CXADR: variants seen among roughly 807,000 people sequenced by gnomAD.
CXADR encodes the protein CXADR cell adhesion molecule.
Under a neutral mutation model 40.3 loss-of-function variants are expected in CXADR, and 20 were observed. The ratio of observed to expected loss-of-function variants is 0.50; its 90% CI spans 0.35 to 0.72. CXADR has a LOEUF of 0.72. Ranked by LOEUF, CXADR falls within the 30% of genes least tolerant of loss-of-function variation. The probability of loss-of-function intolerance (pLI) is 0.01; values close to 1 mark genes in which losing one functional copy is unlikely to be tolerated. For missense variants in CXADR, 332 were observed against 449.1 expected, an observed-to-expected ratio of 0.74 and a Z score of 2.36; for synonymous variants, 150 against 161.3, an observed-to-expected ratio of 0.93 and a Z score of 0.53.
chr21:17,617,955 C>CCTG, the CXADR span, among the ~76,000 whole-genome samples: 1 of 152,184 alleles, frequency 6.6e-6, no homozygotes, highest in Admixed American at 6.5e-5. Context: ...CTTCTCAAAC[C>CCTG]CTGCTGCTGC....
chr21:17,556,877 A>AC (rs1426093650), intron 3 of CXADR, among the ~76,000 whole-genome samples: 1 of 152,182 alleles, frequency 6.6e-6, no homozygotes, highest in Non-Finnish European at 1.5e-5. Flanking sequence ...AGTTGAAGAT[A>AC]CCCCACTGAA....
intron 5 of CXADR, 150 bp downstream of exon 5, chr21:17,560,974 C>T: frequency 7.8e-7 from 1 of 1,289,750 alleles, no homozygotes; most frequent in Non-Finnish European, 1.0e-6. Context: ...TAGAAAAATA[C>T]ATTTTATTAA....
chr21:17,525,698 T>C (rs1363965787), intron 1 of CXADR, among the ~76,000 whole-genome samples: 1 of 152,228 alleles, frequency 6.6e-6, no homozygotes, highest in African/African-American at 2.4e-5. Flanking sequence ...TAGAATGAAC[T>C]TGTAAATCTG....
chr21:17,528,871 A>G (rs1322841578), intron 1 of CXADR, among the ~76,000 whole-genome samples: 1 of 152,040 alleles, frequency 6.6e-6, no homozygotes, highest in African/African-American at 2.4e-5. Context: ...TGGCTACTTT[A>G]AAACCAGAAT....
chr21:17,625,918 G>A, the CXADR span, among the ~76,000 whole-genome samples: 2 of 152,192 alleles, frequency 1.3e-5, no homozygotes, highest in Non-Finnish European at 2.9e-5. Flanking sequence ...GAAACAAAAT[G>A]AGATTCTGAA....
chr21:17,579,789 C>T (rs1447514633), intron 7 of CXADR, among the ~76,000 whole-genome samples: 1 of 151,942 alleles, frequency 6.6e-6, no homozygotes. Flanking sequence ...GTTACACTGG[C>T]CATTTAGGGC....
intron 6 of CXADR, among the ~76,000 whole-genome samples, chr21:17,563,697 T>C (rs1794716453): frequency 6.6e-6 from 1 of 151,804 alleles, no homozygotes; most frequent in South Asian, 2.1e-4. Context: ...ATCCCAGCAC[T>C]TAGGGAGGCC....
intron 1 of CXADR, among the ~76,000 whole-genome samples, chr21:17,545,904 C>G (rs1214626408): frequency 6.6e-6 from 1 of 151,624 alleles, no homozygotes; most frequent in Non-Finnish European, 1.5e-5. Flanking sequence ...CTCAGCCTCC[C>G]AAGTAGCTGG....
the CXADR span, among the ~76,000 whole-genome samples, chr21:17,608,373 CA>C: frequency 1.8e-4 from 25 of 137,146 alleles, no homozygotes; most frequent in East Asian, 2.1e-4. Flanking sequence ...AACAATACCA[CA>C]AAAAAAAAAA....
chr21:17,550,686 G>A (rs573839842), intron 2 of CXADR, among the ~76,000 whole-genome samples: 2 of 152,262 alleles, frequency 1.3e-5, no homozygotes, highest in South Asian at 2.1e-4. Context: ...TTAAATTAAT[G>A]TTAGAGATTG....
At chr21:17,615,586 ATATCT>A in the CXADR span, among the ~76,000 whole-genome samples, 2 of 152,346 alleles carry the variant, frequency 1.3e-5, no homozygotes, top group Non-Finnish European at 2.9e-5. Flanking sequence ...CTCTCTCAAA[ATATCT>A]TATTGTACTG....
At chr21:17,584,904 C>A (rs2061384193) in intron 7 of CXADR, among the ~76,000 whole-genome samples, 1 of 152,128 alleles carries the variant, frequency 6.6e-6, no homozygotes, top group Admixed American at 6.5e-5. Context: ...AAACAAAGTT[C>A]AAAAATTTTA....
downstream of CXADR, chr21:17,570,202 C>G: frequency 7.1e-6 from 7 of 983,832 alleles, no homozygotes; most frequent in Non-Finnish European, 8.4e-6. Flanking sequence ...TTTCCTTCCC[C>G]CCGTGTATCC....
chr21:17,529,195 T>C (rs1399890904), intron 1 of CXADR, among the ~76,000 whole-genome samples: 3 of 150,986 alleles, frequency 2.0e-5, no homozygotes, highest in Non-Finnish European at 3.0e-5. Flanking sequence ...CCCGCCACCA[T>C]GCCTGGCTAA....
In CXADR at chr21:17,568,477, G is replaced by C. The variant is rs2061242878; in HGVS notation, c.*2785G>C. On this transcript the variant is annotated 3_prime_UTR_variant, in exon 7 of 7. Transcript: ENST00000284878. ...CCATTTTATTCTACTTTATAACTGAGAGACTTGATACCATCCATCTCTTTA... is the reference window on the plus strand; with the variant it reads ...CCATTTTATTCTACTTTATAACTGACAGACTTGATACCATCCATCTCTTTA... The C allele has an allele frequency of 2.1e-6, 2 of 972,818 alleles. No homozygotes were observed. Among genetic ancestry groups the C allele is most frequent in the Non-Finnish European group, 2.4e-6 (2 of 826,572 alleles). 60.3% of individuals were successfully genotyped at this position (972,818 alleles called of 1,614,324 possible). A position where few individuals can be genotyped will look rare whatever the true frequency, so the allele number is the denominator to read the frequency against.
chr21:17,594,615 A>G (rs1347949681), downstream of CXADR, among the ~76,000 whole-genome samples: 2 of 152,100 alleles, frequency 1.3e-5, no homozygotes, highest in African/African-American at 4.8e-5. Flanking sequence ...GAACGAATGG[A>G]AGCTTGTAAG....
the CXADR span, among the ~76,000 whole-genome samples, chr21:17,600,955 C>G: frequency 1.3e-5 from 2 of 148,690 alleles, no homozygotes; most frequent in Admixed American, 1.3e-4. Context: ...TGAGGTCAGG[C>G]GTTCGAGGCC....
chr21:17,633,831 CT>C, the CXADR span, among the ~76,000 whole-genome samples: 2 of 152,180 alleles, frequency 1.3e-5, no homozygotes, highest in African/African-American at 2.4e-5. Flanking sequence ...TTCCCTCTGC[CT>C]TATGAAGAAG....
At chr21:17,634,820 G>A in the CXADR span, among the ~76,000 whole-genome samples, 8 of 152,216 alleles carry the variant, frequency 5.3e-5, no homozygotes, top group East Asian at 1.5e-3. Context: ...CACAGGTGCA[G>A]TCATAGTACA....
Sources: gnomAD v4.1 joint callset for allele counts (sites outside exome capture counted in the v4.1 genomes callset) on GRCh38, gnomAD v4.1.1 for gene constraint, MANE v1.5 for transcripts, NCBI Gene and HGNC (gene_info 2026-07-23, HGNC 2026-07-21) for gene names.